The following MAGI1 variants were observed in gnomAD, a reference collection of about 807,000 sequenced individuals.
MAGI1 encodes membrane-associated guanylate kinase, WW and PDZ domain-containing protein 1.
In MAGI1, 58 loss-of-function variants were observed where a neutral mutation model predicts 139.9. The ratio of observed to expected loss-of-function variants is 0.41; its 90% CI spans 0.34 to 0.52. The LOEUF (loss-of-function observed/expected upper bound fraction) is 0.52. Ranked by LOEUF, MAGI1 falls within the 20% of genes least tolerant of loss-of-function variation. The pLI, the probability that MAGI1 is intolerant of heterozygous loss-of-function variation, is 0.12. For synonymous variants in MAGI1, 812 were observed against 737.9 expected (o/e 1.10, Z -1.63); for missense variants, 1,874 against 1,901.6 (o/e 0.99, Z 0.27).
intron 5 of MAGI1, among the ~76,000 whole-genome samples, chr3:65,467,298 G>C (rs541394827): frequency 1.3e-5 from 2 of 152,258 alleles, no homozygotes; most frequent in African/African-American, 4.8e-5. Context: ...TTGCATGTGA[G>C]TGTACATACA....
intron 1 of MAGI1, among the ~76,000 whole-genome samples, chr3:65,732,839 CA>C (rs138285943): frequency 6.6e-6 from 1 of 151,880 alleles, no homozygotes; most frequent in African/African-American, 2.4e-5. Context: ...TAAGGTCTGG[CA>C]AAAAAACTAT....
At chr3:65,577,603 TC>T (rs1293990057) in intron 2 of MAGI1, among the ~76,000 whole-genome samples, 2 of 152,126 alleles carry the variant, frequency 1.3e-5, no homozygotes, top group Admixed American at 6.6e-5. Context: ...CCTTAAACTA[TC>T]CACAAAATAT....
intron 1 of MAGI1, among the ~76,000 whole-genome samples, chr3:65,928,098 C>T (rs1454859774): frequency 1.3e-5 from 2 of 152,050 alleles, no homozygotes; most frequent in East Asian, 3.9e-4. Context: ...AATTTATTTT[C>T]GGCCCCACTC....
At chr3:65,651,326 T>C (rs956495323) in intron 1 of MAGI1, among the ~76,000 whole-genome samples, 2 of 152,170 alleles carry the variant, frequency 1.3e-5, no homozygotes, top group African/African-American at 4.8e-5. Context: ...TAATTATCTT[T>C]TGAAGAAACA....
chr3:65,669,357 A>G (rs973015635), intron 1 of MAGI1, among the ~76,000 whole-genome samples: 1 of 152,238 alleles, frequency 6.6e-6, no homozygotes, highest in African/African-American at 2.4e-5. Flanking sequence ...AGGAATGAGC[A>G]GGAAGGAACA....
At chr3:65,844,086 G>A (rs1166356862) in intron 1 of MAGI1, 2 of 490,806 alleles carry the variant, frequency 4.1e-6, no homozygotes, top group Non-Finnish European at 8.0e-6. Context: ...TACAACAGTG[G>A]AGTTGGTAGG....
chr3:65,384,005 G>C (rs2106921339), intron 14 of MAGI1, among the ~76,000 whole-genome samples: 1 of 152,312 alleles, frequency 6.6e-6, no homozygotes, highest in Middle Eastern at 3.4e-3. Context: ...AGAACACTCA[G>C]GCTAAGTCAG....
chr3:65,430,881 C>T lies in MAGI1; in HGVS notation c.1364G>A (p.Gly455Asp), dbSNP rs374712093. The change falls in exon 11 of 23, where the codon GGC becomes GAC. Residue 455 changes from glycine (G) to aspartate (D), a missense_variant and splice_region_variant. By Grantham distance (94) the Gly-to-Asp change is moderately conservative. Around this residue, in one of 5 missense-constraint regions of MAGI1, gnomAD observed 648 missense variants for 598.1 expected, o/e 1.08. Transcript: ENST00000402939. The part of the protein sequence containing the change: ...PEPAREVPLQ[G>D]KPFFTRNPSE... ...AGGGTTTCGTGTAAAAAAGGGTTTGCCTGGATTAAAATAAGAAACGCATAA... is the reference window on the plus strand; with the variant it reads ...AGGGTTTCGTGTAAAAAAGGGTTTGTCTGGATTAAAATAAGAAACGCATAA... 4 of 1,612,500 alleles carry T rather than the reference C, an allele frequency of 2.5e-6. No homozygotes were observed. The highest frequency in any genetic ancestry group is 3.4e-6 in the Non-Finnish European group (4 of 1,179,410).
chr3:65,988,764 A>C (rs2066013809), intron 1 of MAGI1, among the ~76,000 whole-genome samples: 1 of 152,194 alleles, frequency 6.6e-6, no homozygotes, highest in African/African-American at 2.4e-5. Flanking sequence ...GAAAGAACTC[A>C]TTTTTAAGAA....
chr3:65,782,827 C>T (rs1374234459), intron 1 of MAGI1, among the ~76,000 whole-genome samples: 2 of 150,990 alleles, frequency 1.3e-5, no homozygotes, highest in Non-Finnish European at 2.9e-5. Context: ...TTGAGCCAGA[C>T]ACTATTAGTA....
chr3:65,391,487 CCACCT>C, intron 13 of MAGI1, 129 bp from the exon 14 acceptor site: 6 of 687,424 alleles, frequency 8.7e-6, no homozygotes, highest in Non-Finnish European at 1.2e-5. Context: ...ATTTTGGCTC[CCACCT>C]TTCTCCAGCT....
At chr3:65,382,752 G>C (rs1053824705) in intron 15 of MAGI1, among the ~76,000 whole-genome samples, 1 of 152,166 alleles carries the variant, frequency 6.6e-6, no homozygotes, top group African/African-American at 2.4e-5. Context: ...TTATTTGTCA[G>C]TCCCTCCATT....
chr3:65,761,071 G>A (rs1395272060), intron 1 of MAGI1, among the ~76,000 whole-genome samples: 1 of 152,156 alleles, frequency 6.6e-6, no homozygotes, highest in Non-Finnish European at 1.5e-5. Context: ...AGATATCTGA[G>A]GATGAAAGAA....
At chr3:65,525,304 A>G (rs2078332286) in intron 2 of MAGI1, among the ~76,000 whole-genome samples, 1 of 152,106 alleles carries the variant, frequency 6.6e-6, no homozygotes, top group Non-Finnish European at 1.5e-5. Flanking sequence ...ACCCTCACAA[A>G]CACCCTCAAC....
At chr3:65,628,304 G>A (rs559211822) in intron 1 of MAGI1, among the ~76,000 whole-genome samples, 17 of 152,048 alleles carry the variant, frequency 1.1e-4, no homozygotes, top group Admixed American at 7.2e-4. Context: ...AGGAAGATTC[G>A]GAGGACTCGT....
chr3:65,726,609 G>T (rs1429709381), intron 1 of MAGI1, among the ~76,000 whole-genome samples: 1 of 152,126 alleles, frequency 6.6e-6, no homozygotes, highest in African/African-American at 2.4e-5. Flanking sequence ...TGGCTAGAGA[G>T]AATTATTGTC....
At chr3:65,866,687 T>C (rs1442376331) in intron 1 of MAGI1, among the ~76,000 whole-genome samples, 1 of 152,136 alleles carries the variant, frequency 6.6e-6, no homozygotes, top group African/African-American at 2.4e-5. Flanking sequence ...ACTAAACCTT[T>C]CTTACATTCT....
At chr3:65,556,072 G>C (rs1030515312) in intron 2 of MAGI1, among the ~76,000 whole-genome samples, 4 of 152,192 alleles carry the variant, frequency 2.6e-5, no homozygotes, top group Non-Finnish European at 4.4e-5. Flanking sequence ...GTATGAGAGA[G>C]AGTTAGTGAA....
intron 1 of MAGI1, among the ~76,000 whole-genome samples, chr3:65,819,702 C>A (rs1431362045): frequency 1.3e-5 from 2 of 151,258 alleles, no homozygotes; most frequent in African/African-American, 4.9e-5. Flanking sequence ...CATAGTGAAA[C>A]CTAGTCTTTA....
Sources: gnomAD v4.1 joint callset for allele counts (sites outside exome capture counted in the v4.1 genomes callset) on GRCh38, gnomAD v4.1.1 for gene constraint, gnomAD v4.1.1 regional missense constraint, MANE v1.5 for transcripts, NCBI Gene and HGNC (gene_info 2026-07-23, HGNC 2026-07-21) for gene names.